The following RHOU variants were observed in gnomAD, a reference collection of about 807,000 sequenced individuals.
RHOU encodes ras homolog family member U.
A neutral mutation model predicts 12.6 loss-of-function variants in RHOU; 8 were observed. The observed-to-expected ratio is 0.64, with a 90% CI of 0.37 to 1.15. The LOEUF (loss-of-function observed/expected upper bound fraction) is 1.15. RHOU is among the 50% of genes most tolerant of loss of function. The pLI, the probability that RHOU is intolerant of heterozygous loss-of-function variation, is 0.01. For missense variants in RHOU, 258 were observed against 347.0 expected (o/e 0.74, Z 2.04); for synonymous variants, 161 against 147.4 (o/e 1.09, Z -0.67).
the RHOU span, among the ~76,000 whole-genome samples, chr1:228,707,130 A>ATATATATATATATATGTG: frequency 1.8e-5 from 2 of 110,186 alleles, no homozygotes; most frequent in East Asian, 2.9e-4. Context: ...ATATATACAT[A>ATATATATATATATATGTG]TATATATATA....
chr1:228,689,381 G>A, the RHOU span, among the ~76,000 whole-genome samples: 1 of 152,146 alleles, frequency 6.6e-6, no homozygotes, highest in Non-Finnish European at 1.5e-5. Flanking sequence ...TGAGAAACGC[G>A]ATTGGGACAT....
the RHOU span, among the ~76,000 whole-genome samples, chr1:228,670,306 C>T: frequency 6.6e-6 from 1 of 152,208 alleles, no homozygotes; most frequent in Admixed American, 6.5e-5. Flanking sequence ...AGGCCACCCC[C>T]TTTCCTCAGC....
At chr1:228,677,892 G>A in the RHOU span, among the ~76,000 whole-genome samples, 1 of 152,192 alleles carries the variant, frequency 6.6e-6, no homozygotes, top group Non-Finnish European at 1.5e-5. Flanking sequence ...ATATAGGTGG[G>A]AAGGCCAAAC....
intron 2 of RHOU, among the ~76,000 whole-genome samples, chr1:228,739,932 G>A (rs992522176): frequency 1.3e-5 from 2 of 152,214 alleles, no homozygotes; most frequent in Admixed American, 6.5e-5. Context: ...TAAGTTGTGG[G>A]CCTGCCCCTT....
At chr1:228,742,516 A>G (rs1159534652) in intron 2 of RHOU, among the ~76,000 whole-genome samples, 2 of 152,216 alleles carry the variant, frequency 1.3e-5, no homozygotes, top group Non-Finnish European at 2.9e-5. Flanking sequence ...CATGGAGGCC[A>G]TGGGTACTGG....
chr1:228,691,158 GA>G, the RHOU span, among the ~76,000 whole-genome samples: 2 of 151,766 alleles, frequency 1.3e-5, no homozygotes, highest in Admixed American at 6.6e-5. Flanking sequence ...AGAAAATGCA[GA>G]GAGTTCCCAT....
the RHOU span, among the ~76,000 whole-genome samples, chr1:228,691,348 T>C: frequency 6.6e-6 from 1 of 152,192 alleles, no homozygotes; most frequent in Non-Finnish European, 1.5e-5. Flanking sequence ...TTTCCACCAC[T>C]ACGGTATCAC....
chr1:228,705,138 T>C, the RHOU span, among the ~76,000 whole-genome samples: 1 of 151,992 alleles, frequency 6.6e-6, no homozygotes, highest in African/African-American at 2.4e-5. Flanking sequence ...AATAAAAGTA[T>C]TGAAATCTTT....
chr1:228,720,300 A>G, the RHOU span, among the ~76,000 whole-genome samples: 2 of 152,246 alleles, frequency 1.3e-5, no homozygotes, highest in Admixed American at 6.5e-5. Flanking sequence ...CATAATACAT[A>G]CTATCATAGC....
At chr1:228,702,560 C>T in the RHOU span, among the ~76,000 whole-genome samples, 10 of 151,968 alleles carry the variant, frequency 6.6e-5, no homozygotes, top group Admixed American at 1.3e-4. Context: ...TCCAGAGGCT[C>T]GGAAAACAAA....
chr1:228,673,565 GATC>G, the RHOU span, among the ~76,000 whole-genome samples: 3 of 152,266 alleles, frequency 2.0e-5, no homozygotes, highest in Admixed American at 2.0e-4. Flanking sequence ...CTGTTCTTGT[GATC>G]ATGAGAGAGT....
At chr1:228,646,750 A>T in the RHOU span, among the ~76,000 whole-genome samples, 205 of 151,674 alleles carry the variant, frequency 1.4e-3, 3 homozygotes, top group East Asian at 0.039. Context: ...ACACAGACAC[A>T]CCCGTTCGTT....
At chr1:228,740,459 G>C (rs1206585765) in intron 2 of RHOU, among the ~76,000 whole-genome samples, 1 of 145,088 alleles carries the variant, frequency 6.9e-6, no homozygotes, top group Non-Finnish European at 1.5e-5. Flanking sequence ...ATAAGCTGCT[G>C]GTAAGATAAG....
the RHOU span, among the ~76,000 whole-genome samples, chr1:228,673,741 G>A: frequency 1.3e-5 from 2 of 152,160 alleles, no homozygotes; most frequent in African/African-American, 4.8e-5. Flanking sequence ...ATGCACAATT[G>A]TGAGCCAAAT....
the RHOU span, among the ~76,000 whole-genome samples, chr1:228,713,302 C>A: frequency 6.6e-6 from 1 of 152,156 alleles, no homozygotes; most frequent in African/African-American, 2.4e-5. Flanking sequence ...GTGGTTTAAT[C>A]AATCATGCCT....
At chr1:228,673,018 T>G in the RHOU span, among the ~76,000 whole-genome samples, 3 of 152,216 alleles carry the variant, frequency 2.0e-5, no homozygotes, top group Admixed American at 6.5e-5. Context: ...TAGGGTAGTC[T>G]CAACTTCCAA....
chr1:228,650,898 A>G, the RHOU span: 1 of 380,024 alleles, frequency 2.6e-6, no homozygotes, highest in Non-Finnish European at 5.1e-6. Context: ...CCACCTACAT[A>G]CGAATGGATC....
At chr1:228,700,853 G>A in the RHOU span, among the ~76,000 whole-genome samples, 10 of 152,112 alleles carry the variant, frequency 6.6e-5, no homozygotes, top group Admixed American at 1.3e-4. Flanking sequence ...TTGGGAGACC[G>A]AGGCCGGTGG....
chr1:228,655,046 C>A, the RHOU span, among the ~76,000 whole-genome samples: 5,214 of 151,622 alleles, frequency 0.034, 321 homozygotes, highest in African/African-American at 0.12. Flanking sequence ...GCATTTAATC[C>A]TAGGTTCATG....
Sources: gnomAD v4.1 joint callset for allele counts (sites outside exome capture counted in the v4.1 genomes callset) on GRCh38, gnomAD v4.1.1 for gene constraint, MANE v1.5 for transcripts, NCBI Gene and HGNC (gene_info 2026-07-23, HGNC 2026-07-21) for gene names.